The following RP1 variants were observed in gnomAD, a reference collection of about 807,000 sequenced individuals.
RP1 encodes oxygen-regulated protein 1.
A neutral mutation model predicts 14.8 loss-of-function variants in RP1; 16 were observed. That is an observed-to-expected ratio of 1.08 (90% CI 0.73 to 1.65). The LOEUF is 1.65. RP1 is among the 40% of genes most tolerant of loss of function. RP1 has a pLI of 0.00. For missense variants in RP1, 2,631 were observed against 2,535.0 expected (o/e 1.04, Z -0.81); for synonymous variants, 876 against 883.6 (o/e 0.99, Z 0.15).
In RP1 at chr8:54,630,600, A is replaced by ATTT. The variant is rs10654889; in HGVS notation, c.*259_*261dup. 23,886 of 1,070,992 alleles carry ATTT rather than the reference A, an allele frequency of 0.022. 2 individuals carry two copies. Among genetic ancestry groups the ATTT allele is most frequent in the Middle Eastern group, 0.033 (80 of 2,392 alleles). The allele number at this position is 1,070,992 out of a possible 1,614,324, so 66.3% of individuals were successfully genotyped here. A position where few individuals can be genotyped will look rare whatever the true frequency, so the allele number is the denominator to read the frequency against. On this transcript the variant is annotated 3_prime_UTR_variant, in exon 4 of 4. Transcript: ENST00000220676. ...CTATCTGGTTTTGTTCTGAACTTACATTTTTTTTTTTTTTGGTATCTATGA... is the reference window on the plus strand; with the variant it reads ...CTATCTGGTTTTGTTCTGAACTTACATTTTTTTTTTTTTTTTTGGTATCTATGA...
chr8:54,699,399 G>A lies in RP1; in HGVS notation c.1718-68G>A, dbSNP rs1585617676. ...TAAAATATATTATTAAGAGATTTCA[G>A]TATATATTGAATGAAAAAAGTTTTA... On this transcript the variant is annotated intron_variant, in intron 12 of 22. Transcript: ENST00000636932. 5.3e-6 allele frequency: 3 copies of A among 570,660 alleles called. No homozygotes were observed. In the East Asian group the frequency reaches 9.4e-5, roughly 18 times the overall value. 35.3% of individuals were successfully genotyped at this position (570,660 alleles called of 1,614,324 possible). A position where few individuals can be genotyped will look rare whatever the true frequency, so the allele number is the denominator to read the frequency against.
At chr8:54,566,292 C>T (rs968729841) in intron 1 of RP1, among the ~76,000 whole-genome samples, 6 of 152,096 alleles carry the variant, frequency 3.9e-5, no homozygotes, top group Non-Finnish European at 5.9e-5. Flanking sequence ...TAATCAGTGT[C>T]GTCCTGATAA....
intron 12 of RP1, among the ~76,000 whole-genome samples, chr8:54,680,516 G>T (rs944233456): frequency 6.6e-6 from 1 of 152,126 alleles, no homozygotes; most frequent in Admixed American, 6.6e-5. Context: ...CAACACCTAT[G>T]AATTTAACTG....
At chr8:54,830,454 T>C (rs1031145614) in intron 24 of RP1, among the ~76,000 whole-genome samples, 1 of 152,086 alleles carries the variant, frequency 6.6e-6, no homozygotes, top group African/African-American at 2.4e-5. Flanking sequence ...CCTTCTGTAT[T>C]TCTAGTGACA....
chr8:54,667,587 G>C (rs2129331091), intron 7 of RP1, among the ~76,000 whole-genome samples: 1 of 152,218 alleles, frequency 6.6e-6, no homozygotes, highest in East Asian at 1.9e-4. Context: ...GATGTGGTTT[G>C]CGGCAGGAGC....
intron 7 of RP1, among the ~76,000 whole-genome samples, chr8:54,664,257 G>A (rs539293973): frequency 2.0e-5 from 3 of 152,126 alleles, no homozygotes; most frequent in Admixed American, 6.6e-5. Flanking sequence ...TCCATTGTGT[G>A]TAAACAAACA....
chr8:54,628,815 T>C lies in RP1; in HGVS notation c.4933T>C (p.Ser1645Pro). ...CGGTAAAGCAGATATTATCAAACCA[T>C]CTTTTTTTCCTGGGTCTACCCGCAA... ...LYGKADIIKP[S>P]FFPGSTRKSQ... Residue 1645 changes from serine (S) to proline (P), a missense_variant, in exon 4 of 4, where the codon TCT becomes CCT. Ser to Pro is a moderately conservative substitution (Grantham distance 74, BLOSUM62 -1). Coordinates refer to ENST00000220676, the MANE Select transcript of RP1 (RefSeq NM_006269.2). 1 of 1,614,148 alleles carries C rather than the reference T, an allele frequency of 6.2e-7. No individual in the cohort carries two copies. The highest frequency in any genetic ancestry group is 8.5e-7 in the Non-Finnish European group (1 of 1,179,986).
intron 1 of RP1, among the ~76,000 whole-genome samples, chr8:54,616,641 T>G (rs148471764): frequency 4.6e-5 from 7 of 152,378 alleles, no homozygotes; most frequent in African/African-American, 1.4e-4. Context: ...TGAAATGAAC[T>G]GATTTTTCTT....
chr8:54,719,072 A>T (rs555616836), intron 15 of RP1, among the ~76,000 whole-genome samples: 69 of 152,274 alleles, frequency 4.5e-4, no homozygotes, highest in African/African-American at 1.6e-3. Context: ...GCTGCAACAA[A>T]CTGAAGCTGC....
At chr8:54,739,038 G>A (rs1809004333) in intron 19 of RP1, 3 of 1,520,002 alleles carry the variant, frequency 2.0e-6, no homozygotes, top group Non-Finnish European at 1.8e-6. Flanking sequence ...GGGTAATCAT[G>A]TCACTTATTT....
At chr8:54,869,835 C>A (rs946547561) in intron 28 of RP1, 11 of 1,193,462 alleles carry the variant, frequency 9.2e-6, no homozygotes, top group Admixed American at 8.5e-5. Context: ...CTTTTTTTTG[C>A]ATGGCAGATG....
At chr8:54,624,443 CAAAAAA>C (rs11332494) in intron 3 of RP1, among the ~76,000 whole-genome samples, 1 of 56,596 alleles carries the variant, frequency 1.8e-5, no homozygotes, top group Non-Finnish European at 2.9e-5. Flanking sequence ...GACTCTGTCT[CAAAAAA>C]AAAAAAAAAA....
At chr8:54,785,278 T>C (rs564672934) in intron 24 of RP1, among the ~76,000 whole-genome samples, 36 of 152,258 alleles carry the variant, frequency 2.4e-4, no homozygotes, top group Non-Finnish European at 4.9e-4. Context: ...GGAGTATTTT[T>C]GTCTGACTTG....
intron 1 of RP1, among the ~76,000 whole-genome samples, chr8:54,569,344 T>A (rs1417180728): frequency 6.6e-6 from 1 of 152,242 alleles, no homozygotes; most frequent in East Asian, 1.9e-4. Flanking sequence ...CATGGCTATA[T>A]TAGCATGATG....
chr8:54,622,155 T>A lies in RP1; in HGVS notation c.654T>A (p.Ala218=). Residue 218 remains alanine (A), a synonymous_variant, in exon 3 of 4, where the codon GCT becomes GCA. Transcript: ENST00000220676. ...SLQAVILSSG[A]VVAAGREPFK... ...AGGCAGTGATCCTGAGCTCTGGAGC[T>A]GTGGTGGCGGCAGGAAGGGAGCCAT... is the stretch of plus-strand genomic sequence containing the variant. 2 of 1,614,192 alleles carry A rather than the reference T, an allele frequency of 1.2e-6. No individual in the cohort carries two copies. The highest frequency in any genetic ancestry group is 4.5e-5 in the East Asian group (2 of 44,876).
intron 25 of RP1, among the ~76,000 whole-genome samples, chr8:54,849,860 T>C (rs551440585): frequency 6.6e-6 from 1 of 151,762 alleles, no homozygotes; most frequent in South Asian, 2.1e-4. Flanking sequence ...TAATAAATAA[T>C]AAAAAAATAA....
In RP1 at chr8:54,627,717, AC is replaced by A; in HGVS notation, c.3836del (p.Thr1279IlefsTer15). On this transcript the variant is annotated frameshift_variant, in exon 4 of 4. Transcript: ENST00000220676. LOFTEE classifies it low-confidence loss of function (END_TRUNC). ...SPKETCNPSDTFFPSDGYGVD... is the reference protein window; with the variant it reads ...SPKETCNPSDXFFPSDGYGVD... Reference sequence around the variant, plus strand: ...AAAAGAGACATGTAACCCCAGTGACACTTTTTTTCCTAGTGATGGTTATGGT... The same window carrying A: ...AAAAGAGACATGTAACCCCAGTGACATTTTTTTCCTAGTGATGGTTATGGT... 6.2e-7 allele frequency: 1 copy of A among 1,614,174 alleles called. No individual in the cohort carries two copies. Among genetic ancestry groups the A allele is most frequent in the Non-Finnish European group, 8.5e-7 (1 of 1,179,982 alleles).
chr8:54,859,482 G>A (rs562489332), intron 27 of RP1, among the ~76,000 whole-genome samples: 21 of 151,714 alleles, frequency 1.4e-4, no homozygotes, highest in East Asian at 5.9e-4. Flanking sequence ...ACTGTGGAGC[G>A]TTGTCACTAT....
At chr8:54,720,209 C>A in exon 16 of RP1, 3 of 1,535,552 alleles carry the variant, frequency 2.0e-6, no homozygotes, top group Non-Finnish European at 2.6e-6. Flanking sequence ...CTACGAAGAG[C>A]CCAGGATTGT....
Sources: allele counts gnomAD v4.1 joint callset (sites outside exome capture counted in the v4.1 genomes callset), GRCh38; gene constraint gnomAD v4.1.1; transcripts MANE v1.5; gene names NCBI Gene and HGNC (gene_info 2026-07-23, HGNC 2026-07-21).